Variants in IQSEC1 observed in about 807,000 individuals in gnomAD.
IQSEC1 encodes the protein IQ motif and Sec7 domain ArfGEF 1.
A neutral mutation model predicts 91.0 loss-of-function variants in IQSEC1; 31 were observed. That is an observed-to-expected ratio of 0.34 (90% CI 0.26 to 0.46). The LOEUF is 0.46. Among genes scored for constraint, IQSEC1 ranks in the 20% least tolerant of loss-of-function variants. IQSEC1 has a pLI of 1.00. For missense variants in IQSEC1, 1,388 were observed against 1,575.6 expected (o/e 0.88, Z 2.02); for synonymous variants, 699 against 662.6 (o/e 1.05, Z -0.84).
At chr3:13,232,231 GC>G (rs971712843) in intron 1 of IQSEC1, among the ~76,000 whole-genome samples, 21 of 152,342 alleles carry the variant, frequency 1.4e-4, no homozygotes, top group African/African-American at 5.1e-4. Context: ...TAGCCACTCA[GC>G]CCCACCACTG....
rs17037497 is a variant in IQSEC1, at chr3:12,945,641, G to A, written c.24-3776C>T. On this transcript the variant is annotated intron_variant, in intron 1 of 13. Transcript: ENST00000613206. ...ACCACAGGATTCTTCAGCAAACGTG[G>A]ACAAAAGTGAGCACAGTGTGGAATT... 9.9e-3 allele frequency among the ~76,000 whole-genome samples: 1,500 copies of A among 152,174 alleles called. 23 individuals are homozygous for A. The highest frequency in any genetic ancestry group is 0.035 in the African/African-American group (1,434 of 41,504).
At chr3:13,196,753 T>TGTATGTACATGTGTGTGC in intron 1 of IQSEC1, among the ~76,000 whole-genome samples, 1 of 28,084 alleles carries the variant, frequency 3.6e-5, no homozygotes, top group African/African-American at 3.5e-4. Flanking sequence ...TGTGTGCGTG[T>TGTATGTACATGTGTGTGC]GTGTGTGTGT....
At chr3:13,225,741 C>A (rs1178383972) in intron 1 of IQSEC1, among the ~76,000 whole-genome samples, 2 of 152,148 alleles carry the variant, frequency 1.3e-5, no homozygotes, top group Non-Finnish European at 2.9e-5. Flanking sequence ...ACAATGGAAG[C>A]AAGGAAGGAG....
At chr3:13,034,880 G>A (rs57346480) in intron 1 of IQSEC1, among the ~76,000 whole-genome samples, 13,889 of 152,270 alleles carry the variant, frequency 0.091, 2,097 homozygotes, top group African/African-American at 0.31. Context: ...CTCCTGTCCA[G>A]CACACAGGCT....
chr3:13,092,696 G>T (rs1410833254), intron 2 of IQSEC1, among the ~76,000 whole-genome samples: 1 of 152,122 alleles, frequency 6.6e-6, no homozygotes, highest in African/African-American at 2.4e-5. Context: ...AATCTCAATG[G>T]TGTCTCCTCT....
At chr3:13,036,536 C>T (rs1704041550) in intron 1 of IQSEC1, among the ~76,000 whole-genome samples, 1 of 152,190 alleles carries the variant, frequency 6.6e-6, no homozygotes, top group Non-Finnish European at 1.5e-5. Flanking sequence ...TGCACTGTCC[C>T]CTCAAGCCAC....
At chr3:13,015,707 T>G (rs946849133) in intron 1 of IQSEC1, 1 of 985,206 alleles carries the variant, frequency 1.0e-6, no homozygotes, top group African/African-American at 1.7e-5. Context: ...CCCTGCTCAG[T>G]CGGCATCCAG....
chr3:12,985,779 G>A (rs368081245), intron 1 of IQSEC1, among the ~76,000 whole-genome samples: 7 of 152,290 alleles, frequency 4.6e-5, no homozygotes, highest in Admixed American at 3.9e-4. Context: ...ATGTTTCTAG[G>A]GGGGCACATA....
rs148840731 is a variant in IQSEC1 at position 12,922,191 on chromosome 3, G to A, written c.1782C>T (p.Leu594=). 1.2e-6 allele frequency: 2 copies of A among 1,609,756 alleles called. No individual in the cohort carries two copies. Among genetic ancestry groups the A allele is most frequent in the Non-Finnish European group, 1.7e-6 (2 of 1,177,362 alleles). ...DFSTMELDEA[L]RKFQAHIRVQ... The stretch of plus-strand genomic sequence containing the variant: ...CACGGATGTGCGCCTGGAATTTCCT[G>A]AGGGCCTCATCCAGCTCCATGGTAG... The change falls in exon 5 of 14, where the codon CTC becomes CTT. Residue 594 remains leucine, a synonymous_variant. Transcript: ENST00000613206. The surrounding 1 kb of genome is among the most constrained non-coding windows in gnomAD (Gnocchi z 5.1).
At chr3:13,150,646 G>A (rs1338595523) in intron 2 of IQSEC1, among the ~76,000 whole-genome samples, 2 of 152,158 alleles carry the variant, frequency 1.3e-5, no homozygotes, top group African/African-American at 2.4e-5. Flanking sequence ...TGTTTTTAGT[G>A]GGAGTCTCCA....
intron 1 of IQSEC1, among the ~76,000 whole-genome samples, chr3:13,201,103 G>A (rs763576138): frequency 2.0e-5 from 3 of 152,226 alleles, no homozygotes; most frequent in East Asian, 1.9e-4. Context: ...CAACAAATGC[G>A]TGAGGTGAGT....
chr3:13,265,670 T>C (rs1233232229), intron 1 of IQSEC1, among the ~76,000 whole-genome samples: 1 of 151,954 alleles, frequency 6.6e-6, no homozygotes, highest in African/African-American at 2.4e-5. Flanking sequence ...GTCCTCACAA[T>C]CCAAAGTGGC....
chr3:12,991,873 T>C (rs1413726652), intron 1 of IQSEC1, among the ~76,000 whole-genome samples: 3 of 147,216 alleles, frequency 2.0e-5, no homozygotes, highest in East Asian at 3.9e-4. Flanking sequence ...ACAGCAGGCA[T>C]GGGACAGGCA....
chr3:12,904,422 A>T (rs1694736325), intron 12 of IQSEC1, among the ~76,000 whole-genome samples: 1 of 152,254 alleles, frequency 6.6e-6, no homozygotes, highest in African/African-American at 2.4e-5. Flanking sequence ...AGGACAGCCA[A>T]GTAGAACCTT....
intron 5 of IQSEC1, among the ~76,000 whole-genome samples, chr3:12,921,225 G>A (rs974749347): frequency 1.3e-5 from 2 of 152,164 alleles, no homozygotes; most frequent in African/African-American, 2.4e-5. Flanking sequence ...AGAGGAGCCA[G>A]GCAAAGTACC....
At chr3:13,190,060 AAT>A (rs1238053511) in intron 1 of IQSEC1, among the ~76,000 whole-genome samples, 1 of 152,146 alleles carries the variant, frequency 6.6e-6, no homozygotes, top group Non-Finnish European at 1.5e-5. Flanking sequence ...CAGCTGCCTA[AAT>A]AGAGTTCCAG....
Position 12,900,463 on chromosome 3 carries a change from ATATATT to A in IQSEC1, c.*514_*519del, listed in dbSNP as rs1370142612. 1.3e-4 allele frequency: 82 copies of A among 649,470 alleles called. No homozygotes were observed. Among genetic ancestry groups the A allele is most frequent in the Non-Finnish European group, 1.4e-4 (76 of 526,496 alleles). The allele number at this position is 649,470 out of a possible 1,614,324, so 40.2% of individuals were successfully genotyped here. On this transcript the variant is annotated 3_prime_UTR_variant, in exon 14 of 14. Coordinates refer to ENST00000613206, the MANE Select transcript of IQSEC1 (RefSeq NM_001134382.3). ...TACTACCTATACAGTATATATATAT[ATATATT>A]TATATATTTATATATTTATATAAAG...
chr3:13,275,583 G>A (rs1480376895), intron 1 of IQSEC1, among the ~76,000 whole-genome samples: 2 of 152,164 alleles, frequency 1.3e-5, no homozygotes, highest in African/African-American at 4.8e-5. Flanking sequence ...CCTCTCTCCT[G>A]CTCTTCAAGT....
intron 1 of IQSEC1, among the ~76,000 whole-genome samples, chr3:12,972,575 A>G (rs1216385944): frequency 6.6e-6 from 1 of 152,222 alleles, no homozygotes; most frequent in Non-Finnish European, 1.5e-5. Context: ...GTTACCATTC[A>G]TCTTACGAAA....
Sources: allele counts gnomAD v4.1 joint callset (sites outside exome capture counted in the v4.1 genomes callset), GRCh38; gene constraint gnomAD v4.1.1; non-coding constraint Gnocchi (gnomAD v3.1); transcripts MANE v1.5; gene names NCBI Gene and HGNC (gene_info 2026-07-23, HGNC 2026-07-21).